Variants in MCM9 observed in about 807,000 individuals in gnomAD.
MCM9 encodes the protein DNA helicase MCM9.
In MCM9, 55 loss-of-function variants were observed where a neutral mutation model predicts 72.8. The observed-to-expected ratio is 0.76, with a 90% CI of 0.61 to 0.95. The LOEUF (loss-of-function observed/expected upper bound fraction) is 0.95, where lower values mean the gene tolerates loss of function less well. Ranked by LOEUF, MCM9 falls within the 40% of genes least tolerant of loss-of-function variation. The probability of loss-of-function intolerance (pLI) is 0.00; values close to 1 mark genes in which losing one functional copy is unlikely to be tolerated. For missense variants in MCM9, 1,279 were observed against 1,377.0 expected, an observed-to-expected ratio of 0.93 and a Z score of 1.13; for synonymous variants, 480 against 503.4, an observed-to-expected ratio of 0.95 and a Z score of 0.62.
chr6:118,870,200 C>T (rs1278530831), intron 8 of MCM9, among the ~76,000 whole-genome samples: 3 of 152,200 alleles, frequency 2.0e-5, no homozygotes, highest in East Asian at 1.9e-4. Flanking sequence ...GTAGAATACA[C>T]ATTCTTCTCA....
rs192847060 is a variant in MCM9 at position 118,816,102 on chromosome 6, C to T, written c.2154G>A (p.Pro718=). 920 of 1,550,158 alleles carry T rather than the reference C, an allele frequency of 5.9e-4. 2 individuals are homozygous for T. The highest frequency in any genetic ancestry group is 7.6e-4 in the Non-Finnish European group (867 of 1,146,756). ...TTGTTGATCTATTAGGCTCCAGATG[C>T]GGTGGGGGATCTAGAACTGGGCTTC... ...PEGSPVLDPP[P]HLEPNRSTSR... The change falls in exon 14 of 14, where the codon CCG becomes CCA. Residue 718 remains proline, a synonymous_variant. Coordinates refer to ENST00000619706, the MANE Select transcript of MCM9 (RefSeq NM_017696.3).
intron 8 of MCM9, among the ~76,000 whole-genome samples, chr6:118,893,444 AT>A (rs570918246): frequency 6.6e-6 from 1 of 151,578 alleles, no homozygotes; most frequent in Non-Finnish European, 1.5e-5. Context: ...ACCTCTTGTG[AT>A]TTTTTTTTAT....
At chr6:118,933,454 C>G (rs1431685745) in intron 1 of MCM9, among the ~76,000 whole-genome samples, 1 of 151,114 alleles carries the variant, frequency 6.6e-6, no homozygotes, top group Non-Finnish European at 1.5e-5. Context: ...TGCAGTGAGC[C>G]GAGACCACGC....
chr6:118,929,800 C>A (rs1782230294), intron 3 of MCM9, among the ~76,000 whole-genome samples: 1 of 152,066 alleles, frequency 6.6e-6, no homozygotes. Flanking sequence ...GAGTGAGACT[C>A]CATCTCTAAT....
At chr6:118,893,056 A>G (rs1779051377) in intron 8 of MCM9, among the ~76,000 whole-genome samples, 1 of 152,166 alleles carries the variant, frequency 6.6e-6, no homozygotes, top group Non-Finnish European at 1.5e-5. Flanking sequence ...ACATTTAAGG[A>G]AAAAAATGAT....
intron 13 of MCM9, among the ~76,000 whole-genome samples, chr6:118,818,806 A>G (rs961555334): frequency 6.6e-6 from 1 of 152,162 alleles, no homozygotes; most frequent in Non-Finnish European, 1.5e-5. Flanking sequence ...TATTTCCTTG[A>G]GCAGTGGTTT....
At chr6:118,930,391 C>T (rs930402376) in intron 3 of MCM9, among the ~76,000 whole-genome samples, 5 of 152,320 alleles carry the variant, frequency 3.3e-5, no homozygotes, top group South Asian at 2.1e-4. Context: ...GGATTACAGG[C>T]GTGAGCCACC....
intron 8 of MCM9, 155 bp downstream of exon 8, chr6:118,911,495 T>C (rs1780541836): frequency 1.5e-6 from 2 of 1,335,376 alleles, no homozygotes; most frequent in Non-Finnish European, 1.9e-6. Context: ...TTCTTAGAGC[T>C]ACCAAAATAA....
rs1372692299 is a variant in MCM9 at position 118,931,470 on chromosome 6, G to A, written c.254C>T (p.Ser85Phe). The A allele has an allele frequency of 1.2e-6, 2 of 1,614,070 alleles. No homozygotes were observed. Among genetic ancestry groups the A allele is most frequent in the Admixed American group, 3.3e-5 (2 of 60,022 alleles). The stretch of plus-strand genomic sequence containing the variant: ...TTTCATGGAAACAGCCTCAGGCTGA[G>A]AAAGGGACTGGAGAATTGTCAAGGC... Reference protein sequence around the residue: ...RSALTILQSLSQPEAVSMKQN... With the variant: ...RSALTILQSLFQPEAVSMKQN... The change falls in exon 3 of 14, where the codon TCT becomes TTT. Residue 85 changes from serine (S) to phenylalanine (F), a missense_variant. Ser to Phe is a radical substitution (Grantham distance 155, BLOSUM62 -2). Coordinates refer to ENST00000619706, the MANE Select transcript of MCM9 (RefSeq NM_017696.3).
chr6:118,862,154 C>T lies in MCM9; in HGVS notation c.1151-5609G>A, dbSNP rs376228174. Among the ~76,000 whole-genome samples, 7 of 152,334 alleles carry T rather than the reference C, an allele frequency of 4.6e-5. No individual in the cohort carries two copies. The East Asian group carries it at 1.2e-3, about 25-fold the overall frequency. ...AAAGGCCAGGGAGCAGGAAAAGGTA[C>T]TTCCAAGCCTTCAGGGGAAGGGGGG... On this transcript the variant is annotated intron_variant, in intron 8 of 13. Coordinates refer to ENST00000619706, the MANE Select transcript of MCM9 (RefSeq NM_017696.3).
At chr6:118,927,006 A>C (rs754629579) in intron 3 of MCM9, among the ~76,000 whole-genome samples, 2 of 152,212 alleles carry the variant, frequency 1.3e-5, no homozygotes, top group African/African-American at 4.8e-5. Flanking sequence ...AAAGGAGAAT[A>C]GAAAAAAAAT....
intron 8 of MCM9, among the ~76,000 whole-genome samples, chr6:118,886,971 A>G (rs941141440): frequency 2.0e-5 from 3 of 152,214 alleles, no homozygotes; most frequent in African/African-American, 7.2e-5. Context: ...TCTCAAAAAA[A>G]GAAAGAAGGA....
chr6:118,837,261 G>A (rs1034972707), intron 9 of MCM9, among the ~76,000 whole-genome samples: 3 of 152,172 alleles, frequency 2.0e-5, no homozygotes, highest in African/African-American at 4.8e-5. Context: ...TTTTGCATTT[G>A]CTGAGGAGTG....
intron 8 of MCM9, among the ~76,000 whole-genome samples, chr6:118,863,365 T>TA (rs1300382610): frequency 6.6e-6 from 1 of 152,066 alleles, no homozygotes; most frequent in Admixed American, 6.6e-5. Context: ...GCAACCACTT[T>TA]AAAAAAAGTT....
At chr6:118,891,993 A>G (rs1778976941) in intron 8 of MCM9, among the ~76,000 whole-genome samples, 1 of 152,234 alleles carries the variant, frequency 6.6e-6, no homozygotes, top group East Asian at 1.9e-4. Context: ...AAAGTTGTTC[A>G]GCAACAAGTC....
At chr6:118,818,846 C>G (rs1351250318) in intron 13 of MCM9, among the ~76,000 whole-genome samples, 1 of 152,144 alleles carries the variant, frequency 6.6e-6, no homozygotes, top group African/African-American at 2.4e-5. Flanking sequence ...TCTTTCACAT[C>G]CCATGTAAGT....
At chr6:118,892,274 T>G (rs1191275752) in intron 8 of MCM9, among the ~76,000 whole-genome samples, 1 of 152,232 alleles carries the variant, frequency 6.6e-6, no homozygotes. Context: ...TTTTTTCTTC[T>G]TAAATACTGT....
At chr6:118,840,402 T>C (rs1014679660) in intron 9 of MCM9, among the ~76,000 whole-genome samples, 1 of 152,130 alleles carries the variant, frequency 6.6e-6, no homozygotes, top group African/African-American at 2.4e-5. Flanking sequence ...CTGTTTGCTA[T>C]AGCAGTTAGC....
chr6:118,816,282 C>A lies in MCM9; in HGVS notation c.1974G>T (p.Gln658His), dbSNP rs78791427. The A allele has an allele frequency of 0.011, 17,336 of 1,535,600 alleles. 113 individuals carry two copies. Among genetic ancestry groups the A allele is most frequent in the Non-Finnish European group, 0.014 (15,386 of 1,138,964 alleles). Residue 658 changes from glutamine (Q) to histidine (H), a missense_variant, in exon 14 of 14, where the codon CAG becomes CAT. By Grantham distance (24) the Gln-to-His change is conservative. Coordinates refer to ENST00000619706, the MANE Select transcript of MCM9 (RefSeq NM_017696.3). ...CCCGTGGTTGGGATTGGTGCACACT[C>A]TGATTCTGTAACCTGTAGCAAAGAC... ...ELRRLERLQN[Q>H]SVHQSQPRVL...
Sources: gnomAD v4.1 joint callset for allele counts (sites outside exome capture counted in the v4.1 genomes callset) on GRCh38, gnomAD v4.1.1 for gene constraint, MANE v1.5 for transcripts, NCBI Gene and HGNC (gene_info 2026-07-23, HGNC 2026-07-21) for gene names.